CDH18: variants seen among roughly 807,000 people sequenced by gnomAD.
CDH18 encodes the protein cadherin-18.
Under a neutral mutation model 67.9 loss-of-function variants are expected in CDH18, and 31 were observed. The ratio of observed to expected loss-of-function variants is 0.46; its 90% CI spans 0.34 to 0.62. The LOEUF is 0.62. CDH18 is among the 20% of genes least tolerant of loss of function. The probability of loss-of-function intolerance (pLI) is 0.01; values close to 1 mark genes in which losing one functional copy is unlikely to be tolerated. For missense variants in CDH18, 890 were observed against 975.5 expected (o/e 0.91, Z 1.17); for synonymous variants, 362 against 347.2 (o/e 1.04, Z -0.48).
chr5:20,173,266 C>T (rs1736982763), intron 2 of CDH18, among the ~76,000 whole-genome samples: 1 of 151,924 alleles, frequency 6.6e-6, no homozygotes, highest in South Asian at 2.1e-4. Context: ...TGCTCTAAAC[C>T]AAAATTATGG....
chr5:20,155,994 C>T (rs1363984427), intron 2 of CDH18, among the ~76,000 whole-genome samples: 1 of 152,054 alleles, frequency 6.6e-6, no homozygotes, highest in African/African-American at 2.4e-5. Context: ...CGCAACATCA[C>T]TTATCATCAA....
chr5:19,852,769 T>C (rs1783852674), intron 2 of CDH18, among the ~76,000 whole-genome samples: 1 of 152,040 alleles, frequency 6.6e-6, no homozygotes, highest in Non-Finnish European at 1.5e-5. Context: ...CATCCTCCAA[T>C]AACTGATTTT....
intron 1 of CDH18, among the ~76,000 whole-genome samples, chr5:20,550,166 T>A (rs1271303187): frequency 6.6e-6 from 1 of 152,174 alleles, no homozygotes; most frequent in African/African-American, 2.4e-5. Context: ...TTTAAAAGGA[T>A]CTGGCTATTG....
At chr5:20,455,764 G>T (rs1444753817) in intron 1 of CDH18, among the ~76,000 whole-genome samples, 1 of 151,522 alleles carries the variant, frequency 6.6e-6, no homozygotes, top group East Asian at 1.9e-4. Context: ...TCTTTACATA[G>T]AGCAATAGTT....
chr5:20,008,518 G>A (rs1449070697), intron 2 of CDH18, among the ~76,000 whole-genome samples: 3 of 152,086 alleles, frequency 2.0e-5, no homozygotes, highest in Non-Finnish European at 2.9e-5. Context: ...TGTTTCCCAC[G>A]AAAGTTAATG....
intron 2 of CDH18, among the ~76,000 whole-genome samples, chr5:19,998,944 A>T (rs1736227782): frequency 6.6e-6 from 1 of 152,184 alleles, no homozygotes; most frequent in Non-Finnish European, 1.5e-5. Flanking sequence ...ACAAGGTGGA[A>T]TTATTTTTCA....
chr5:20,539,954 T>C (rs1756962576), intron 1 of CDH18, among the ~76,000 whole-genome samples: 2 of 152,192 alleles, frequency 1.3e-5, no homozygotes, highest in African/African-American at 4.8e-5. Flanking sequence ...ACTGAACTAT[T>C]TTAATGTCTA....
chr5:19,633,142 T>A (rs957902144), intron 5 of CDH18, among the ~76,000 whole-genome samples: 1 of 152,230 alleles, frequency 6.6e-6, no homozygotes, highest in Admixed American at 6.5e-5. Flanking sequence ...TCTTCTCTAG[T>A]GGATTTACTA....
At chr5:19,931,775 A>G (rs1331758809) in intron 2 of CDH18, among the ~76,000 whole-genome samples, 1 of 151,894 alleles carries the variant, frequency 6.6e-6, no homozygotes, top group Non-Finnish European at 1.5e-5. Flanking sequence ...TCTTTCCCCA[A>G]GTCCTTTATA....
chr5:20,029,413 C>G (rs552954868), intron 2 of CDH18, among the ~76,000 whole-genome samples: 56 of 152,102 alleles, frequency 3.7e-4, no homozygotes, highest in Non-Finnish European at 7.5e-4. Context: ...AATCTCTTTT[C>G]CTTGTAACAT....
intron 8 of CDH18, among the ~76,000 whole-genome samples, chr5:19,553,284 T>C (rs1737787711): frequency 6.6e-6 from 1 of 152,110 alleles, no homozygotes; most frequent in Non-Finnish European, 1.5e-5. Flanking sequence ...ATTCTGTCCA[T>C]TTCACCACAA....
chr5:20,328,811 T>A (rs1031516035), intron 1 of CDH18, among the ~76,000 whole-genome samples: 1 of 152,066 alleles, frequency 6.6e-6, no homozygotes, highest in Non-Finnish European at 1.5e-5. Context: ...CTGGGCCACA[T>A]GGTGAAAACA....
chr5:19,589,429 T>TA (rs1744731121), intron 7 of CDH18, among the ~76,000 whole-genome samples: 1 of 152,102 alleles, frequency 6.6e-6, no homozygotes, highest in Non-Finnish European at 1.5e-5. Context: ...TAATCCAGTT[T>TA]ACCTGAATTA....
At chr5:20,427,138 T>C (rs1389884201) in intron 1 of CDH18, among the ~76,000 whole-genome samples, 1 of 151,140 alleles carries the variant, frequency 6.6e-6, no homozygotes, top group Admixed American at 6.6e-5. Context: ...ATATATTACA[T>C]TTCGTTTAAT....
chr5:20,358,824 G>A (rs972072543), intron 1 of CDH18, among the ~76,000 whole-genome samples: 11 of 151,780 alleles, frequency 7.2e-5, no homozygotes, highest in African/African-American at 2.7e-4. Flanking sequence ...TATATATTTG[G>A]TGTGATCTTA....
At position 19,491,772 on chromosome 5, in the gene CDH18, A is replaced by G. The variant is rs140999726; in HGVS notation, c.1631-8220T>C. 3.5e-3 allele frequency among the ~76,000 whole-genome samples: 528 copies of G among 152,068 alleles called. 8 individuals carry two copies. The highest frequency in any genetic ancestry group is 5.5e-3 in the Non-Finnish European group (373 of 67,966). On this transcript the variant is annotated intron_variant, in intron 11 of 12. Coordinates refer to ENST00000382275, the MANE Select transcript of CDH18 (RefSeq NM_004934.5). ...AATTATAAAGCAACTTATAAATGTT[A>G]TGATCATTTTTAGGAGAATGAATGC...
chr5:20,210,572 G>C (rs1358898690), intron 2 of CDH18, among the ~76,000 whole-genome samples: 1 of 151,824 alleles, frequency 6.6e-6, no homozygotes. Context: ...TAGTAGTTCT[G>C]AAATTATTTA....
chr5:20,141,373 T>C (rs1750229056), intron 2 of CDH18, among the ~76,000 whole-genome samples: 1 of 152,192 alleles, frequency 6.6e-6, no homozygotes, highest in African/African-American at 2.4e-5. Flanking sequence ...GAGGCACCTG[T>C]ACTAACATTT....
chr5:20,213,858 G>A (rs1264153415), intron 2 of CDH18, among the ~76,000 whole-genome samples: 2 of 151,748 alleles, frequency 1.3e-5, no homozygotes, highest in African/African-American at 2.4e-5. Context: ...TCTTTTATAC[G>A]ATTCTTAGTG....
Sources: allele counts gnomAD v4.1 joint callset (sites outside exome capture counted in the v4.1 genomes callset), GRCh38; gene constraint gnomAD v4.1.1; transcripts MANE v1.5; gene names NCBI Gene and HGNC (gene_info 2026-07-23, HGNC 2026-07-21).